The following VWA5A variants were observed in gnomAD, a reference collection of about 807,000 sequenced individuals.
VWA5A encodes the protein von Willebrand factor A domain containing 5A, also known as von Willebrand factor A domain-containing protein 5A.
A neutral mutation model predicts 84.6 loss-of-function variants in VWA5A; 77 were observed. The ratio of observed to expected loss-of-function variants is 0.91; its 90% CI spans 0.76 to 1.10. VWA5A has a LOEUF of 1.10. Among genes scored for constraint, VWA5A ranks in the 50% least tolerant of loss-of-function variants. The pLI is 0.00. For synonymous variants in VWA5A, 334 were observed against 350.1 expected (o/e 0.95, Z 0.51); for missense variants, 973 against 963.0 (o/e 1.01, Z -0.14).
chr11:124,126,737 T>G (rs1272309890), intron 11 of VWA5A, among the ~76,000 whole-genome samples: 1 of 151,478 alleles, frequency 6.6e-6, no homozygotes, highest in Non-Finnish European at 1.5e-5. Flanking sequence ...CCAGCCTGGG[T>G]GACAGAGCAA....
In VWA5A at chr11:124,123,776, G is replaced by T; in HGVS notation, c.1136G>T (p.Gly379Val). Residue 379 changes from glycine (G) to valine (V), a missense_variant, in exon 10 of 19, where the codon GGA (glycine) becomes GTA (valine). Gly to Val is a moderately radical substitution (Grantham distance 109, BLOSUM62 -3). Coordinates refer to ENST00000456829, the MANE Select transcript of VWA5A (RefSeq NM_001130142.2). ...ILAPLQNIYRGPSIPGHPLQL... is the reference protein window; with the variant it reads ...ILAPLQNIYRVPSIPGHPLQL... ...GCACCACTCCAGAACATTTACAGGGGACCCTCCATCCCAGGCCACCCCCTA... is the reference window on the plus strand; with the variant it reads ...GCACCACTCCAGAACATTTACAGGGTACCCTCCATCCCAGGCCACCCCCTA... 6.3e-7 allele frequency: 1 copy of T among 1,596,224 alleles called. No individual in the cohort carries two copies. The highest frequency in any genetic ancestry group is 2.2e-5 in the East Asian group (1 of 44,814).
In VWA5A at chr11:124,141,758, G is replaced by T; in HGVS notation, c.2023+17G>T. The T allele has an allele frequency of 6.2e-7, 1 of 1,610,676 alleles. No individual in the cohort carries two copies. Among genetic ancestry groups the T allele is most frequent in the South Asian group, 1.1e-5 (1 of 90,500 alleles). The stretch of plus-strand genomic sequence containing the variant: ...ACAGTCCAGGTGAGTACCTTTATAG[G>T]AACATTTTCTCAACAATGTTTTTCT... On this transcript the variant is annotated intron_variant, in intron 16 of 18. Coordinates refer to ENST00000456829, the MANE Select transcript of VWA5A (RefSeq NM_001130142.2).
chr11:124,116,358 A>G (rs1864829643), intron 1 of VWA5A: 1 of 152,274 alleles, frequency 6.6e-6, no homozygotes, highest in African/African-American at 2.4e-5. Flanking sequence ...GTTTTCCTCA[A>G]CGGAGGATTT....
chr11:124,132,489 T>C (rs1426823197), intron 11 of VWA5A, among the ~76,000 whole-genome samples: 1 of 152,096 alleles, frequency 6.6e-6, no homozygotes, highest in East Asian at 1.9e-4. Flanking sequence ...TTTTATGTGT[T>C]CTTATTTTTT....
At chr11:124,145,669 T>G (rs1356179326) in intron 18 of VWA5A, among the ~76,000 whole-genome samples, 197 bp from the exon 19 acceptor site, 1 of 152,196 alleles carries the variant, frequency 6.6e-6, no homozygotes, top group Admixed American at 6.5e-5. Context: ...CGTGTTCTCC[T>G]GGCTGTTTGT....
At chr11:124,125,676 T>C (rs1438650992) in intron 11 of VWA5A, among the ~76,000 whole-genome samples, 2 of 152,242 alleles carry the variant, frequency 1.3e-5, no homozygotes, top group Non-Finnish European at 2.9e-5. Flanking sequence ...TCTTTTGTGA[T>C]GTGCTTTCAA....
intron 15 of VWA5A, among the ~76,000 whole-genome samples, chr11:124,140,045 A>G (rs1033198628): frequency 1.1e-4 from 17 of 152,180 alleles, no homozygotes; most frequent in Non-Finnish European, 2.4e-4. Flanking sequence ...ATCTATTGAA[A>G]TGATCATGTT....
intron 15 of VWA5A, among the ~76,000 whole-genome samples, chr11:124,139,077 G>C (rs1860675779): frequency 6.6e-6 from 1 of 152,126 alleles, no homozygotes; most frequent in African/African-American, 2.4e-5. Flanking sequence ...AAAATTAGTT[G>C]GCTGTAAATG....
chr11:124,133,589 C>A (rs1865129867), intron 11 of VWA5A, among the ~76,000 whole-genome samples: 1 of 152,112 alleles, frequency 6.6e-6, no homozygotes, highest in African/African-American at 2.4e-5. Context: ...TTGCTGTGAG[C>A]AGAACTTTCC....
intron 2 of VWA5A, 128 bp downstream of exon 2, chr11:124,116,808 T>C (rs1490537372): frequency 6.6e-6 from 1 of 152,212 alleles, no homozygotes; most frequent in Non-Finnish European, 1.5e-5. Context: ...CTATATAATA[T>C]TTAAATATAT....
intron 11 of VWA5A, among the ~76,000 whole-genome samples, chr11:124,129,014 T>C (rs1254949231): frequency 6.6e-6 from 1 of 152,218 alleles, no homozygotes; most frequent in African/African-American, 2.4e-5. Context: ...CTTCCAATAC[T>C]ATGTTGAATA....
chr11:124,128,130 G>T (rs1022437027), intron 11 of VWA5A, among the ~76,000 whole-genome samples: 4 of 152,106 alleles, frequency 2.6e-5, no homozygotes, highest in African/African-American at 9.7e-5. Context: ...TTCTTCTAGG[G>T]TTTTTATGGT....
At chr11:124,136,545 C>T (rs761966447) in intron 13 of VWA5A, 29 bp from the exon 14 acceptor site, 7 of 1,598,500 alleles carry the variant, frequency 4.4e-6, no homozygotes, top group Middle Eastern at 1.7e-4. Context: ...TTACATGTTC[C>T]GTCATTTCTA....
At chr11:124,125,484 C>T (rs1413123543) in intron 11 of VWA5A, among the ~76,000 whole-genome samples, 6 of 152,090 alleles carry the variant, frequency 3.9e-5, no homozygotes, top group Non-Finnish European at 8.8e-5. Context: ...GGGGTTTCAC[C>T]GTGTTAGCCA....
intron 1 of VWA5A, chr11:124,116,298 C>T (rs997678482): frequency 2.0e-5 from 3 of 152,306 alleles, no homozygotes; most frequent in Non-Finnish European, 1.5e-5. Flanking sequence ...CTGACCCAAA[C>T]TAATTTTGTT....
At chr11:124,137,306 A>G in intron 15 of VWA5A, 38 bp downstream of exon 15, 1 of 1,591,732 alleles carries the variant, frequency 6.3e-7, no homozygotes, top group East Asian at 2.2e-5. Context: ...ATATAGAATA[A>G]AAGATTCTGA....
At chr11:124,118,022 C>G (rs1864863471) in intron 4 of VWA5A, 147 bp downstream of exon 4, 1 of 1,296,316 alleles carries the variant, frequency 7.7e-7, no homozygotes, top group South Asian at 1.5e-5. Context: ...TTCTAACTGC[C>G]ATTTTTCTAA....
chr11:124,134,855 T>C, intron 11 of VWA5A, 65 bp from the exon 12 acceptor site: 1 of 1,249,338 alleles, frequency 8.0e-7, no homozygotes, highest in Non-Finnish European at 1.1e-6. Flanking sequence ...TTGGCCATTA[T>C]GTATTAATTT....
chr11:124,130,980 A>G (rs751920571), intron 11 of VWA5A, among the ~76,000 whole-genome samples: 2 of 151,930 alleles, frequency 1.3e-5, no homozygotes, highest in Non-Finnish European at 2.9e-5. Context: ...CTTTTCTCCA[A>G]TTCTGTATTT....
Sources: gnomAD v4.1 joint callset for allele counts (sites outside exome capture counted in the v4.1 genomes callset) on GRCh38, gnomAD v4.1.1 for gene constraint, MANE v1.5 for transcripts, NCBI Gene and HGNC (gene_info 2026-07-23, HGNC 2026-07-21) for gene names.